The following PPFIA2 variants were observed in gnomAD, a reference collection of about 807,000 sequenced individuals.
The protein encoded by PPFIA2 is liprin-alpha-2.
PPFIA2 carries 46 observed loss-of-function variants against 175.5 expected under a neutral mutation model. The observed-to-expected ratio is 0.26, with a 90% CI of 0.21 to 0.34. The LOEUF (loss-of-function observed/expected upper bound fraction) is 0.34, where lower values mean the gene tolerates loss of function less well. Ranked by LOEUF, PPFIA2 falls within the 10% of genes least tolerant of loss-of-function variation. The pLI is 1.00. For missense variants in PPFIA2, 1,179 were observed against 1,506.1 expected (o/e 0.78, Z 3.60); for synonymous variants, 568 against 511.4 (o/e 1.11, Z -1.49).
intron 4 of PPFIA2, among the ~76,000 whole-genome samples, chr12:81,674,048 C>A (rs2071961330): frequency 6.6e-6 from 1 of 151,992 alleles, no homozygotes; most frequent in Admixed American, 6.6e-5. Flanking sequence ...AAATTTGACA[C>A]AACCTTCTAT....
chr12:81,730,507 T>C (rs192294638), intron 3 of PPFIA2, among the ~76,000 whole-genome samples: 2 of 151,636 alleles, frequency 1.3e-5, no homozygotes, highest in Non-Finnish European at 3.0e-5. Context: ...TCATGAGAAC[T>C]CTCTCATTAT....
intron 4 of PPFIA2, among the ~76,000 whole-genome samples, chr12:81,666,946 T>G (rs893504491): frequency 2.6e-5 from 4 of 152,216 alleles, no homozygotes; most frequent in Middle Eastern, 3.4e-3. Context: ...AATCAAAGGT[T>G]TATATAAAAT....
At chr12:81,522,401 G>T (rs2063260881) in intron 4 of PPFIA2, among the ~76,000 whole-genome samples, 1 of 151,822 alleles carries the variant, frequency 6.6e-6, no homozygotes. Flanking sequence ...TATATTAAAA[G>T]AATATTCTTT....
chr12:81,512,187 C>G, intron 4 of PPFIA2: 2 of 504,706 alleles, frequency 4.0e-6, no homozygotes, highest in South Asian at 1.7e-5. Flanking sequence ...TAATACTTAG[C>G]AGATGCTGTC....
chr12:81,580,701 C>A (rs145477577), intron 4 of PPFIA2, among the ~76,000 whole-genome samples: 26 of 151,662 alleles, frequency 1.7e-4, no homozygotes, highest in African/African-American at 5.6e-4. Flanking sequence ...ATAATTATAT[C>A]CTGTTAGATA....
chr12:81,340,999 T>G lies in PPFIA2; in HGVS notation c.2393+79A>C, dbSNP rs2057947135. 2.1e-6 allele frequency: 3 copies of G among 1,396,562 alleles called. No individual in the cohort carries two copies. The Admixed American group carries it at 6.0e-5, about 28-fold the overall frequency. The allele number at this position is 1,396,562 out of a possible 1,614,324, so 86.5% of individuals were successfully genotyped here. ...TCAAATAATGTAAATTGTTAAGCAG[T>G]CTATTCGACAACAACGAAGGAAGAG... On this transcript the variant is annotated intron_variant, in intron 20 of 32. Coordinates refer to ENST00000549396, the MANE Select transcript of PPFIA2 (RefSeq NM_003625.5).
intron 23 of PPFIA2, 145 bp downstream of exon 23, chr12:81,299,156 T>C: frequency 1.9e-6 from 2 of 1,076,322 alleles, no homozygotes; most frequent in Non-Finnish European, 2.5e-6. Flanking sequence ...ATCATAAATT[T>C]ATTCCCTAGT....
At chr12:81,424,389 A>G (rs1435485529) in intron 7 of PPFIA2, among the ~76,000 whole-genome samples, 1 of 152,182 alleles carries the variant, frequency 6.6e-6, no homozygotes, top group Non-Finnish European at 1.5e-5. Flanking sequence ...TATAAAATAC[A>G]TCTATATATC....
chr12:81,376,026 A>G, intron 9 of PPFIA2, 84 bp from the exon 10 acceptor site: 1 of 1,258,810 alleles, frequency 7.9e-7, no homozygotes, highest in Non-Finnish European at 1.1e-6. Context: ...AAAAAGAAAC[A>G]TAAAAACTAT....
chr12:81,413,592 C>G (rs1437312701), intron 7 of PPFIA2, among the ~76,000 whole-genome samples: 1 of 151,778 alleles, frequency 6.6e-6, no homozygotes, highest in Admixed American at 6.6e-5. Flanking sequence ...TAATGAAAGT[C>G]ATCAAGAGTT....
intron 4 of PPFIA2, among the ~76,000 whole-genome samples, chr12:81,549,912 C>T (rs1010645185): frequency 5.9e-5 from 9 of 151,762 alleles, no homozygotes; most frequent in African/African-American, 9.7e-5. Context: ...TATTTCCCCT[C>T]GCTTGACTAA....
intron 3 of PPFIA2, among the ~76,000 whole-genome samples, chr12:81,708,156 AAAACTT>A (rs2077449796): frequency 6.6e-6 from 1 of 152,146 alleles, no homozygotes; most frequent in East Asian, 1.9e-4. Flanking sequence ...CATGTACCCT[AAAACTT>A]AAAGTATAAT....
chr12:81,758,120 C>T (rs1219438241), intron 2 of PPFIA2, among the ~76,000 whole-genome samples: 1 of 152,178 alleles, frequency 6.6e-6, no homozygotes, highest in African/African-American at 2.4e-5. Context: ...ACCCACACTA[C>T]TGGACAGTTA....
At chr12:81,650,654 G>A (rs2066897755) in intron 4 of PPFIA2, among the ~76,000 whole-genome samples, 1 of 152,214 alleles carries the variant, frequency 6.6e-6, no homozygotes, top group East Asian at 1.9e-4. Context: ...GGTAGGCACG[G>A]GTTGAAGTTT....
intron 4 of PPFIA2, among the ~76,000 whole-genome samples, chr12:81,655,141 T>C (rs1404075861): frequency 6.6e-6 from 1 of 152,106 alleles, no homozygotes; most frequent in Non-Finnish European, 1.5e-5. Context: ...CTGTAGGACC[T>C]ATAGTGATAT....
chr12:81,584,053 C>A (rs1301579452), intron 4 of PPFIA2, among the ~76,000 whole-genome samples: 2 of 151,892 alleles, frequency 1.3e-5, no homozygotes, highest in African/African-American at 4.8e-5. Context: ...CTGCATCTTA[C>A]AATCGTCTAT....
chr12:81,395,550 TTC>T (rs60253802), intron 8 of PPFIA2, among the ~76,000 whole-genome samples: 53,886 of 150,570 alleles, frequency 0.36, 10,428 homozygotes, highest in East Asian at 0.53. Context: ...TCTCCTCCCT[TTC>T]TCTCTCTCTC....
intron 3 of PPFIA2, among the ~76,000 whole-genome samples, chr12:81,696,443 C>T (rs753126346): frequency 6.6e-6 from 1 of 151,990 alleles, no homozygotes; most frequent in Non-Finnish European, 1.5e-5. Flanking sequence ...GTATTGGGAC[C>T]CAGTGAAGGG....
intron 4 of PPFIA2, among the ~76,000 whole-genome samples, chr12:81,578,771 G>A (rs192207459): frequency 2.5e-4 from 38 of 151,846 alleles, no homozygotes; most frequent in Admixed American, 1.1e-3. Flanking sequence ...CTGTCCATCT[G>A]ATTCAAATCT....
Sources: gnomAD v4.1 joint callset for allele counts (sites outside exome capture counted in the v4.1 genomes callset) on GRCh38, gnomAD v4.1.1 for gene constraint, MANE v1.5 for transcripts, NCBI Gene and HGNC (gene_info 2026-07-23, HGNC 2026-07-21) for gene names.